Variants in ASIC2 observed in about 807,000 individuals in gnomAD.
The protein encoded by ASIC2 is acid sensing ion channel subunit 2.
A neutral mutation model predicts 57.3 loss-of-function variants in ASIC2; 25 were observed. The ratio of observed to expected loss-of-function variants is 0.44; its 90% CI spans 0.32 to 0.61. The LOEUF is 0.61. ASIC2 is among the 20% of genes least tolerant of loss of function. The probability of loss-of-function intolerance (pLI) is 0.06; values close to 1 mark genes in which losing one functional copy is unlikely to be tolerated. For synonymous variants in ASIC2, 319 were observed against 307.5 expected, an observed-to-expected ratio of 1.04 and a Z score of -0.39; for missense variants, 641 against 738.1, an observed-to-expected ratio of 0.87 and a Z score of 1.52.
At chr17:34,123,386 A>G (rs1466938914) in intron 1 of ASIC2, among the ~76,000 whole-genome samples, 3 of 152,092 alleles carry the variant, frequency 2.0e-5, no homozygotes, top group Non-Finnish European at 4.4e-5. Context: ...CTGCTTCCCT[A>G]TCACCTCCTG....
chr17:34,097,427 C>G (rs1910587337), intron 1 of ASIC2, among the ~76,000 whole-genome samples: 1 of 152,014 alleles, frequency 6.6e-6, no homozygotes, highest in Non-Finnish European at 1.5e-5. Context: ...TGAATAGAGT[C>G]CCCCAAAACA....
At chr17:33,393,294 C>T (rs1567846623) in intron 1 of ASIC2, among the ~76,000 whole-genome samples, 1 of 152,118 alleles carries the variant, frequency 6.6e-6, no homozygotes, top group African/African-American at 2.4e-5. Flanking sequence ...GTATGAATGA[C>T]CTGTTGTAGC....
At chr17:33,042,552 G>A (rs544912991) in intron 3 of ASIC2, among the ~76,000 whole-genome samples, 105 of 152,296 alleles carry the variant, frequency 6.9e-4, no homozygotes, top group African/African-American at 2.1e-3. Flanking sequence ...TACTAGAACC[G>A]TCTCATTGAA....
intron 1 of ASIC2, chr17:34,039,790 C>G: frequency 6.2e-7 from 1 of 1,610,842 alleles, no homozygotes; most frequent in Admixed American, 1.7e-5. Flanking sequence ...ATTAAGTGGT[C>G]CCTTACTAAC....
At chr17:34,094,910 T>C (rs567410158) in intron 1 of ASIC2, among the ~76,000 whole-genome samples, 2 of 152,314 alleles carry the variant, frequency 1.3e-5, no homozygotes, top group East Asian at 1.9e-4. Context: ...CAAAGGTCCA[T>C]AGCTCAATAT....
rs960289733 is a variant in ASIC2, at chr17:33,443,506, C to T, written c.556-331439G>A. On this transcript the variant is annotated intron_variant, in intron 1 of 9. Coordinates refer to the ASIC2 transcript ENST00000359872. Reference sequence around the variant, plus strand: ...TCGGCTCACTGCAAGCTCCGCCTCCCGGGTTAACGCCATTCTCCTGCCTCA... The same window carrying T: ...TCGGCTCACTGCAAGCTCCGCCTCCTGGGTTAACGCCATTCTCCTGCCTCA... Among the ~76,000 whole-genome samples, 15 of 145,780 alleles carry T rather than the reference C, an allele frequency of 1.0e-4. No individual in the cohort carries two copies. In the East Asian group the frequency reaches 1.8e-3, roughly 18 times the overall value.
At chr17:33,235,675 G>C (rs1231931514) in intron 1 of ASIC2, among the ~76,000 whole-genome samples, 1 of 152,034 alleles carries the variant, frequency 6.6e-6, no homozygotes, top group Non-Finnish European at 1.5e-5. Flanking sequence ...ACCTGCCCTG[G>C]ACAGGCCCAG....
chr17:33,423,455 T>C (rs1327107149), intron 1 of ASIC2, among the ~76,000 whole-genome samples: 2 of 152,234 alleles, frequency 1.3e-5, no homozygotes, highest in Non-Finnish European at 2.9e-5. Context: ...AAGGGTGACA[T>C]GCTACTAGTA....
At chr17:33,260,554 G>A (rs1346325622) in intron 1 of ASIC2, among the ~76,000 whole-genome samples, 5 of 152,184 alleles carry the variant, frequency 3.3e-5, no homozygotes, top group Admixed American at 6.5e-5. Context: ...GATCGCTGCC[G>A]CCAGGGGGGC....
intron 1 of ASIC2, among the ~76,000 whole-genome samples, chr17:34,144,627 G>GTAT (rs1424167760): frequency 6.6e-6 from 1 of 152,088 alleles, no homozygotes; most frequent in Admixed American, 6.6e-5. Context: ...TGGGGTACCA[G>GTAT]TATTATTATT....
chr17:33,284,870 C>G (rs1253388794), intron 1 of ASIC2, among the ~76,000 whole-genome samples: 2 of 152,172 alleles, frequency 1.3e-5, no homozygotes, highest in African/African-American at 4.8e-5. Context: ...AGCCCCACTC[C>G]CTGTATATCA....
chr17:33,702,697 G>A (rs1014490926), intron 1 of ASIC2, among the ~76,000 whole-genome samples: 8 of 152,190 alleles, frequency 5.3e-5, no homozygotes, highest in Admixed American at 1.3e-4. Context: ...CAAATGTCTT[G>A]ATAACTGCAA....
chr17:33,067,713 T>C (rs1274845161), intron 3 of ASIC2, among the ~76,000 whole-genome samples: 3 of 152,118 alleles, frequency 2.0e-5, no homozygotes, highest in African/African-American at 7.2e-5. Context: ...TTGCCTGAAA[T>C]ATAACTGAAC....
intron 1 of ASIC2, among the ~76,000 whole-genome samples, chr17:33,703,337 CTGTTGT>C (rs201321581): frequency 1.6e-5 from 2 of 127,376 alleles, no homozygotes; most frequent in Admixed American, 7.8e-5. Context: ...TTTTTTGTTG[CTGTTGT>C]TGTTGTTGTT....
intron 1 of ASIC2, among the ~76,000 whole-genome samples, chr17:33,380,060 G>C (rs1022487917): frequency 2.6e-5 from 4 of 151,898 alleles, no homozygotes; most frequent in African/African-American, 7.2e-5. Flanking sequence ...AGCCTGGCCA[G>C]CATAGTGAAA....
chr17:33,305,684 G>A (rs1436471496), intron 1 of ASIC2, among the ~76,000 whole-genome samples: 2 of 152,114 alleles, frequency 1.3e-5, no homozygotes, highest in East Asian at 1.9e-4. Flanking sequence ...ATTACATTTT[G>A]TTCTGTATAA....
At chr17:33,144,113 G>C (rs1162014388) in intron 1 of ASIC2, among the ~76,000 whole-genome samples, 1 of 151,586 alleles carries the variant, frequency 6.6e-6, no homozygotes, top group Non-Finnish European at 1.5e-5. Context: ...CCTCATCCAA[G>C]CTGGGCCAAT....
At chr17:33,615,538 C>T (rs148240473) in intron 1 of ASIC2, among the ~76,000 whole-genome samples, 1 of 152,278 alleles carries the variant, frequency 6.6e-6, no homozygotes, top group African/African-American at 2.4e-5. Context: ...AGGACTCCCA[C>T]TGCTAAGAGG....
At chr17:33,699,414 G>A (rs1282096507) in intron 1 of ASIC2, among the ~76,000 whole-genome samples, 2 of 152,162 alleles carry the variant, frequency 1.3e-5, no homozygotes, top group African/African-American at 4.8e-5. Context: ...CACCAAAGTC[G>A]GAGGAACAAC....
Sources: allele counts gnomAD v4.1 joint callset (sites outside exome capture counted in the v4.1 genomes callset), GRCh38; gene constraint gnomAD v4.1.1; transcripts MANE v1.5; gene names NCBI Gene and HGNC (gene_info 2026-07-23, HGNC 2026-07-21).